GMDS: variants seen among roughly 807,000 people sequenced by gnomAD.
The protein encoded by GMDS is GDP-mannose 4,6-dehydratase, also known as GDP-mannose 4,6 dehydratase.
GMDS carries 20 observed loss-of-function variants against 49.9 expected under a neutral mutation model. The observed-to-expected ratio is 0.40, with a 90% confidence interval of 0.28 to 0.58. The LOEUF (loss-of-function observed/expected upper bound fraction) is 0.58, where lower values mean the gene tolerates loss of function less well. Ranked by LOEUF, GMDS falls within the 20% of genes least tolerant of loss-of-function variation. GMDS has a pLI of 0.42. For missense variants in GMDS, 362 were observed against 481.4 expected, an observed-to-expected ratio of 0.75 and a Z score of 2.32; for synonymous variants, 177 against 178.6, an observed-to-expected ratio of 0.99 and a Z score of 0.07.
intron 8 of GMDS, among the ~76,000 whole-genome samples, chr6:1,738,125 C>G (rs926684094): frequency 2.1e-5 from 3 of 143,060 alleles, no homozygotes; most frequent in Non-Finnish European, 4.6e-5. Context: ...CACCACACAC[C>G]CATACACACA....
intron 7 of GMDS, among the ~76,000 whole-genome samples, chr6:1,820,010 C>G (rs1056909960): frequency 1.3e-4 from 20 of 151,910 alleles, no homozygotes; most frequent in African/African-American, 4.8e-4. Context: ...ACATATATCA[C>G]ACAAACATTT....
chr6:1,624,716 CTAGGT>C (rs1436435691), intron 9 of GMDS, 176 bp from the exon 10 acceptor site: 1 of 592,392 alleles, frequency 1.7e-6, no homozygotes, highest in East Asian at 2.9e-5. Flanking sequence ...CCGTAAATCA[CTAGGT>C]CGCGGTTAAG....
intron 1 of GMDS, among the ~76,000 whole-genome samples, chr6:2,241,244 A>T (rs1781601828): frequency 2.0e-5 from 3 of 152,188 alleles, no homozygotes; most frequent in Admixed American, 2.0e-4. Context: ...TGACCGTACA[A>T]CCATTGTATC....
In GMDS at chr6:1,698,064, CAA is replaced by C. The variant is rs111245870; in HGVS notation, c.987+28350_987+28351del. Among the ~76,000 whole-genome samples the C allele has an allele frequency of 6.7e-3, 1,013 of 152,296 alleles. 14 individuals carry two copies. Among genetic ancestry groups the C allele is most frequent in the African/African-American group, 0.023 (969 of 41,562 alleles). Reference sequence around the variant, plus strand: ...CTAGCTATGTATATGTTCTAAAAAGCAAAGAGTAGACAAAGAGGAGCGCCGCC... The same window carrying C: ...CTAGCTATGTATATGTTCTAAAAAGCAGAGTAGACAAAGAGGAGCGCCGCC... On this transcript the variant is annotated intron_variant, in intron 9 of 10. Transcript: ENST00000380815.
intron 7 of GMDS, among the ~76,000 whole-genome samples, chr6:1,832,328 G>A (rs1469706317): frequency 6.6e-6 from 1 of 151,912 alleles, no homozygotes; most frequent in Non-Finnish European, 1.5e-5. Flanking sequence ...AGGAGTTTGA[G>A]GTTGCAGTGA....
chr6:2,089,091 G>T (rs1188748901), intron 4 of GMDS, among the ~76,000 whole-genome samples: 2 of 152,174 alleles, frequency 1.3e-5, no homozygotes, highest in East Asian at 1.9e-4. Flanking sequence ...ACAGCGTATA[G>T]ATTCATTTAA....
intron 9 of GMDS, among the ~76,000 whole-genome samples, chr6:1,709,817 T>C (rs1391869469): frequency 6.6e-6 from 1 of 152,230 alleles, no homozygotes; most frequent in Non-Finnish European, 1.5e-5. Flanking sequence ...AACCAGAGCT[T>C]GAAGTTTGGG....
At chr6:2,025,807 C>A (rs1768559886) in intron 4 of GMDS, among the ~76,000 whole-genome samples, 1 of 152,066 alleles carries the variant, frequency 6.6e-6, no homozygotes, top group Admixed American at 6.6e-5. Context: ...ACAAAGAGGG[C>A]AAGTTCTTTC....
At chr6:2,111,663 G>A (rs1023908902) in intron 4 of GMDS, among the ~76,000 whole-genome samples, 2 of 152,074 alleles carry the variant, frequency 1.3e-5, no homozygotes, top group African/African-American at 2.4e-5. Context: ...TAGAAGTCAC[G>A]GGTGCAAAAT....
chr6:1,992,363 A>C (rs1766001314), intron 4 of GMDS, among the ~76,000 whole-genome samples: 2 of 152,078 alleles, frequency 1.3e-5, no homozygotes, highest in Non-Finnish European at 2.9e-5. Context: ...GCTGGTGATC[A>C]TCCACTCCTC....
At chr6:2,173,154 C>T (rs1778103052) in intron 1 of GMDS, among the ~76,000 whole-genome samples, 1 of 152,146 alleles carries the variant, frequency 6.6e-6, no homozygotes, top group South Asian at 2.1e-4. Context: ...CAACATACTA[C>T]TGCTTATCAA....
Position 2,074,944 on chromosome 6 carries a change from C to G in GMDS, c.345+40827G>C, listed in dbSNP as rs181800671. Among the ~76,000 whole-genome samples the G allele has an allele frequency of 1.9e-4, 29 of 152,310 alleles. 1 individual carries two copies. Among genetic ancestry groups the G allele is most frequent in the Admixed American group, 1.8e-3 (28 of 15,304 alleles). ...TGCTCTTGGTGTCTTTGTCAAAAAT[C>G]AGTTGTTATAAGTATGTAGATTTAT... On this transcript the variant is annotated intron_variant, in intron 4 of 10. Transcript: ENST00000380815.
chr6:2,227,008 G>C (rs1043488970), intron 1 of GMDS, among the ~76,000 whole-genome samples: 1 of 152,176 alleles, frequency 6.6e-6, no homozygotes, highest in African/African-American at 2.4e-5. Flanking sequence ...TCAGTAACAA[G>C]TTAGTCAAAA....
At chr6:2,240,331 G>A (rs1781555058) in intron 1 of GMDS, among the ~76,000 whole-genome samples, 1 of 152,132 alleles carries the variant, frequency 6.6e-6, no homozygotes, top group Non-Finnish European at 1.5e-5. Flanking sequence ...TGGAGGGAAG[G>A]TCCATTCCAG....
intron 1 of GMDS, among the ~76,000 whole-genome samples, chr6:2,160,252 T>C (rs1777327370): frequency 6.6e-6 from 1 of 152,150 alleles, no homozygotes; most frequent in Non-Finnish European, 1.5e-5. Flanking sequence ...AAGAGTGAAG[T>C]TCGGATAACA....
At position 2,072,863 on chromosome 6, in the gene GMDS, T is replaced by C. The variant is rs914524374; in HGVS notation, c.345+42908A>G. Among the ~76,000 whole-genome samples the C allele has an allele frequency of 4.6e-5, 7 of 152,242 alleles. No homozygotes were observed. The East Asian group carries it at 7.7e-4, about 17-fold the overall frequency. ...GCCATTTCAATACTTGAAATTGCTATAACTGGTAAAATCACAAACACATTT... is the reference window on the plus strand; with the variant it reads ...GCCATTTCAATACTTGAAATTGCTACAACTGGTAAAATCACAAACACATTT... On this transcript the variant is annotated intron_variant, in intron 4 of 10. Transcript: ENST00000380815.
chr6:2,151,679 T>C (rs1255118607), intron 1 of GMDS, among the ~76,000 whole-genome samples: 1 of 152,118 alleles, frequency 6.6e-6, no homozygotes, highest in Non-Finnish European at 1.5e-5. Context: ...TCTTTATCTC[T>C]GAAAATTTAT....
At chr6:2,004,996 T>C (rs1767065538) in intron 4 of GMDS, among the ~76,000 whole-genome samples, 1 of 152,142 alleles carries the variant, frequency 6.6e-6, no homozygotes, top group Non-Finnish European at 1.5e-5. Flanking sequence ...TGATTTGCAA[T>C]GAGTATATAG....
chr6:1,893,739 G>A (rs116021704), intron 7 of GMDS, among the ~76,000 whole-genome samples: 2,745 of 152,328 alleles, frequency 0.018, 84 homozygotes, highest in African/African-American at 0.062. Flanking sequence ...CACTGGACTC[G>A]TGTGAAGGGC....
Sources: allele counts gnomAD v4.1 joint callset (sites outside exome capture counted in the v4.1 genomes callset), GRCh38; gene constraint gnomAD v4.1.1; transcripts MANE v1.5; gene names NCBI Gene and HGNC (gene_info 2026-07-23, HGNC 2026-07-21).